IFT81: variants seen among roughly 807,000 people sequenced by gnomAD.
IFT81 encodes intraflagellar transport protein 81 homolog.
IFT81 carries 72 observed loss-of-function variants against 102.6 expected under a neutral mutation model. That is an observed-to-expected ratio of 0.70 (90% CI 0.58 to 0.85). The LOEUF (loss-of-function observed/expected upper bound fraction) is 0.85, where lower values mean the gene tolerates loss of function less well. Among genes scored for constraint, IFT81 ranks in the 40% least tolerant of loss-of-function variants. IFT81 has a pLI of 0.00. For missense variants in IFT81, 723 were observed against 787.3 expected, an observed-to-expected ratio of 0.92 and a Z score of 0.98; for synonymous variants, 237 against 242.7, an observed-to-expected ratio of 0.98 and a Z score of 0.22.
At chr12:110,171,697 G>T (rs974310888) in intron 11 of IFT81, among the ~76,000 whole-genome samples, 22 of 152,160 alleles carry the variant, frequency 1.4e-4, no homozygotes, top group Non-Finnish European at 3.1e-4. Context: ...AGGCTGCTTT[G>T]AACATTTTCT....
intron 17 of IFT81, among the ~76,000 whole-genome samples, chr12:110,208,702 G>A (rs984080254): frequency 6.6e-6 from 1 of 152,046 alleles, no homozygotes; most frequent in Non-Finnish European, 1.5e-5. Flanking sequence ...ACTATTATAA[G>A]CATTGATGAA....
intron 4 of IFT81, among the ~76,000 whole-genome samples, chr12:110,131,855 T>C (rs11065119): frequency 0.021 from 3,255 of 152,254 alleles, 105 homozygotes; most frequent in African/African-American, 0.074. Context: ...AGAAGGCTTC[T>C]CTGAGAATAG....
chr12:110,212,179 G>A (rs1242524145), intron 18 of IFT81, among the ~76,000 whole-genome samples: 4 of 141,328 alleles, frequency 2.8e-5, no homozygotes, highest in Admixed American at 7.2e-5. Context: ...GTAAACTTAA[G>A]AAAACAAATG....
intron 11 of IFT81, among the ~76,000 whole-genome samples, chr12:110,163,497 T>C (rs750852895): frequency 3.3e-5 from 5 of 152,138 alleles, no homozygotes; most frequent in Non-Finnish European, 5.9e-5. Context: ...TGCCTTGGCC[T>C]CCCAAAGTGC....
chr12:110,167,071 A>C (rs1896475406), intron 11 of IFT81, among the ~76,000 whole-genome samples: 1 of 152,094 alleles, frequency 6.6e-6, no homozygotes, highest in Non-Finnish European at 1.5e-5. Context: ...GATGCTTCCT[A>C]CTGCCATTAA....
At position 110,127,446 on chromosome 12, in the gene IFT81, T is replaced by C; in HGVS notation, c.66T>C (p.Asn22=). ...AGGAGCCCTTTAGGAAGAACTATAA[T>C]TTAATCACGTTTGATTCCTTGGAGC... ...LNKEPFRKNY[N]LITFDSLEPM... is the part of the protein sequence containing the mutation. The change falls in exon 2 of 19, where the codon AAT becomes AAC. Residue 22 remains asparagine (N), a synonymous_variant. Coordinates refer to ENST00000242591, the MANE Select transcript of IFT81 (RefSeq NM_014055.4). The C allele has an allele frequency of 1.9e-6, 3 of 1,608,934 alleles. No homozygotes were observed. The highest frequency in any genetic ancestry group is 2.5e-6 in the Non-Finnish European group (3 of 1,177,684).
intron 18 of IFT81, 122 bp from the exon 19 acceptor site, chr12:110,217,922 A>G: frequency 1.5e-6 from 1 of 668,264 alleles, no homozygotes; most frequent in Non-Finnish European, 2.5e-6. Flanking sequence ...ATTATAGAGT[A>G]TGTGGTTTAG....
intron 4 of IFT81, among the ~76,000 whole-genome samples, chr12:110,130,164 T>C (rs534347060): frequency 1.3e-5 from 2 of 152,306 alleles, no homozygotes; most frequent in Admixed American, 6.5e-5. Flanking sequence ...CTTAAGACAG[T>C]ATTTATGCAA....
intron 11 of IFT81, among the ~76,000 whole-genome samples, chr12:110,176,919 A>G (rs919093475): frequency 6.6e-6 from 1 of 152,254 alleles, no homozygotes; most frequent in Non-Finnish European, 1.5e-5. Flanking sequence ...ATTGGCCTCT[A>G]TATTACAGAG....
chr12:110,184,178 G>A (rs181016629), intron 12 of IFT81, among the ~76,000 whole-genome samples: 2 of 152,188 alleles, frequency 1.3e-5, no homozygotes, highest in Admixed American at 6.5e-5. Flanking sequence ...GTGAAACCCT[G>A]TATTTACTAA....
At chr12:110,183,676 C>T (rs960135933) in intron 12 of IFT81, among the ~76,000 whole-genome samples, 4 of 152,146 alleles carry the variant, frequency 2.6e-5, no homozygotes, top group Non-Finnish European at 5.9e-5. Context: ...TACTTAGTGC[C>T]TACTCCCATA....
At chr12:110,192,004 C>G (rs1209641737) in intron 13 of IFT81, among the ~76,000 whole-genome samples, 2 of 152,032 alleles carry the variant, frequency 1.3e-5, no homozygotes, top group Admixed American at 1.3e-4. Flanking sequence ...AATCCCGTCT[C>G]TACTAAAAAT....
chr12:110,154,978 T>TGTGAGACACTAA (rs1555262595), intron 10 of IFT81, among the ~76,000 whole-genome samples: 1 of 150,124 alleles, frequency 6.7e-6, no homozygotes, highest in Non-Finnish European at 1.5e-5. Context: ...AATGTTGAAG[T>TGTGAGACACTAA]CTCAAGCTAT....
chr12:110,168,308 A>G (rs1896550181), intron 11 of IFT81: 1 of 157,482 alleles, frequency 6.3e-6, no homozygotes, highest in Non-Finnish European at 1.4e-5. Context: ...TTTGCACATG[A>G]CAGAAAGCTG....
At chr12:110,167,555 T>G (rs1896506710) in intron 11 of IFT81, among the ~76,000 whole-genome samples, 1 of 152,180 alleles carries the variant, frequency 6.6e-6, no homozygotes, top group African/African-American at 2.4e-5. Context: ...TTTTTATATC[T>G]CAAAGGTTTT....
At chr12:110,149,451 A>G (rs1362316995) in intron 10 of IFT81, among the ~76,000 whole-genome samples, 3 of 152,180 alleles carry the variant, frequency 2.0e-5, no homozygotes, top group Non-Finnish European at 4.4e-5. Context: ...TTAGCCATCC[A>G]TAGGCGGCTT....
In IFT81 at chr12:110,190,946, A is replaced by C. The variant is rs1376856456; in HGVS notation, c.1365A>C (p.Ile455=). Residue 455 remains isoleucine (I), a synonymous_variant, in exon 13 of 19, where the codon ATA becomes ATC. Coordinates refer to ENST00000242591, the MANE Select transcript of IFT81 (RefSeq NM_014055.4). ...QLQTMEEKKG[I]SGYSYTQEEL... is the part of the protein sequence containing the mutation. ...AAACTATGGAGGAGAAAAAGGGTAT[A>C]TCTGGATATAGTTACACCCAAGAAG... 1.3e-6 allele frequency: 2 copies of C among 1,592,928 alleles called. No individual in the cohort carries two copies. Among genetic ancestry groups the C allele is most frequent in the Non-Finnish European group, 1.7e-6 (2 of 1,171,782 alleles).
intron 18 of IFT81, among the ~76,000 whole-genome samples, chr12:110,209,479 T>G (rs1046579584): frequency 6.6e-6 from 1 of 152,190 alleles, no homozygotes; most frequent in African/African-American, 2.4e-5. Context: ...GTTTTCAGAT[T>G]ATCCTCAGGC....
intron 10 of IFT81, among the ~76,000 whole-genome samples, chr12:110,152,959 T>C (rs1326584958): frequency 6.6e-6 from 1 of 152,204 alleles, no homozygotes; most frequent in Non-Finnish European, 1.5e-5. Flanking sequence ...GTGTGTTGCC[T>C]TTTTACTCTG....
Sources: allele counts gnomAD v4.1 joint callset (sites outside exome capture counted in the v4.1 genomes callset), GRCh38; gene constraint gnomAD v4.1.1; transcripts MANE v1.5; gene names NCBI Gene and HGNC (gene_info 2026-07-23, HGNC 2026-07-21).